FHIT: variants seen among roughly 807,000 people sequenced by gnomAD.
The protein encoded by FHIT is bis(5'-adenosyl)-triphosphatase.
FHIT carries 19 observed loss-of-function variants against 17.9 expected under a neutral mutation model. The ratio of observed to expected loss-of-function variants is 1.06; its 90% CI spans 0.74 to 1.56. FHIT has a LOEUF of 1.56. Ranked by LOEUF, FHIT falls within the 40% of genes most tolerant of loss-of-function variation. FHIT has a pLI of 0.00. For missense variants in FHIT, 248 were observed against 189.2 expected (o/e 1.31, Z -1.82); for synonymous variants, 81 against 69.7 (o/e 1.16, Z -0.81).
intron 5 of FHIT, among the ~76,000 whole-genome samples, chr3:60,206,675 C>A (rs949872464): frequency 1.3e-5 from 2 of 152,230 alleles, no homozygotes; most frequent in Non-Finnish European, 2.9e-5. Context: ...AAGAGGTGGA[C>A]GGTTCTACCA....
chr3:59,896,943 T>C (rs756031330), intron 8 of FHIT, among the ~76,000 whole-genome samples: 13 of 152,054 alleles, frequency 8.5e-5, no homozygotes, highest in African/African-American at 1.2e-4. Flanking sequence ...TTAGCAACGA[T>C]TGGGAGGGTG....
At position 60,643,587 on chromosome 3, in the gene FHIT, A is replaced by T. The variant is rs184803100; in HGVS notation, c.-17-106608T>A. On this transcript the variant is annotated intron_variant, in intron 4 of 9. Coordinates refer to ENST00000492590, the MANE Select transcript of FHIT (RefSeq NM_002012.4). ...CAAAAGTGTTTAATAAAACCAAGTTACTTGCATTCTTAGGCTCATGTAGAT... is the reference window on the plus strand; with the variant it reads ...CAAAAGTGTTTAATAAAACCAAGTTTCTTGCATTCTTAGGCTCATGTAGAT... Among the ~76,000 whole-genome samples the T allele has an allele frequency of 9.2e-5, 14 of 152,318 alleles. No individual in the cohort carries two copies. The East Asian group carries it at 2.5e-3, about 27-fold the overall frequency.
chr3:60,924,280 C>A (rs1007881215), intron 3 of FHIT, among the ~76,000 whole-genome samples: 3 of 152,190 alleles, frequency 2.0e-5, no homozygotes, highest in African/African-American at 7.2e-5. Context: ...TCCCTGACCC[C>A]CGAGTAGCCT....
intron 7 of FHIT, among the ~76,000 whole-genome samples, chr3:59,939,815 G>A (rs1239942374): frequency 3.9e-5 from 6 of 152,190 alleles, no homozygotes; most frequent in Admixed American, 3.3e-4. Context: ...CACCCTCACC[G>A]GCAAAAAGTC....
chr3:59,921,132 T>C (rs1198933276), intron 8 of FHIT, among the ~76,000 whole-genome samples: 2 of 152,162 alleles, frequency 1.3e-5, no homozygotes, highest in Non-Finnish European at 2.9e-5. Context: ...AAGCAAAAGA[T>C]AGTAAGGGTT....
chr3:60,538,521 T>A (rs975578256), intron 4 of FHIT, among the ~76,000 whole-genome samples: 1 of 152,062 alleles, frequency 6.6e-6, no homozygotes. Flanking sequence ...GGAGGCATCA[T>A]GCTACCTGAC....
chr3:59,919,604 A>C (rs1705306151), intron 8 of FHIT, among the ~76,000 whole-genome samples: 1 of 152,202 alleles, frequency 6.6e-6, no homozygotes, highest in Non-Finnish European at 1.5e-5. Flanking sequence ...AGTGCCTAGA[A>C]AGAACACAAT....
chr3:60,236,465 T>G (rs1444387302), intron 5 of FHIT, among the ~76,000 whole-genome samples: 1 of 152,096 alleles, frequency 6.6e-6, no homozygotes, highest in African/African-American at 2.4e-5. Context: ...CTATCCCCAG[T>G]AGAATTTTTC....
intron 8 of FHIT, among the ~76,000 whole-genome samples, chr3:59,754,885 A>G (rs1249260893): frequency 2.6e-5 from 4 of 152,166 alleles, no homozygotes; most frequent in Non-Finnish European, 5.9e-5. Flanking sequence ...GGTTCTGTTT[A>G]GAACAGCGGC....
At chr3:60,208,400 A>T (rs911636063) in intron 5 of FHIT, among the ~76,000 whole-genome samples, 23 of 152,352 alleles carry the variant, frequency 1.5e-4, no homozygotes, top group African/African-American at 5.3e-4. Flanking sequence ...TCATTTTCTG[A>T]AATTAGATAT....
At chr3:60,131,578 A>G (rs1474571486) in intron 5 of FHIT, among the ~76,000 whole-genome samples, 1 of 152,164 alleles carries the variant, frequency 6.6e-6, no homozygotes, top group Non-Finnish European at 1.5e-5. Context: ...AAGGGCAGCT[A>G]CAGCCTTTCC....
intron 5 of FHIT, among the ~76,000 whole-genome samples, chr3:60,497,393 T>G (rs2034344714): frequency 6.6e-6 from 1 of 152,210 alleles, no homozygotes; most frequent in African/African-American, 2.4e-5. Context: ...TCTTTGTACA[T>G]TCTTATATTT....
chr3:59,994,137 C>T (rs1699403856), intron 7 of FHIT, among the ~76,000 whole-genome samples: 1 of 152,044 alleles, frequency 6.6e-6, no homozygotes, highest in Admixed American at 6.6e-5. Flanking sequence ...TATTTGAACA[C>T]TGGCATTGTG....
chr3:60,531,758 G>T (rs2035795581), intron 5 of FHIT, among the ~76,000 whole-genome samples: 1 of 152,182 alleles, frequency 6.6e-6, no homozygotes, highest in Admixed American at 6.5e-5. Flanking sequence ...GTTAAGTAAT[G>T]AAGCTATTTT....
intron 1 of FHIT, among the ~76,000 whole-genome samples, chr3:61,202,681 A>C (rs1454245782): frequency 6.6e-6 from 1 of 151,868 alleles, no homozygotes; most frequent in Non-Finnish European, 1.5e-5. Flanking sequence ...CAGAGATAAA[A>C]ATAAAATCTT....
At chr3:59,853,617 G>A (rs143418989) in intron 8 of FHIT, among the ~76,000 whole-genome samples, 141 of 152,220 alleles carry the variant, frequency 9.3e-4, no homozygotes, top group African/African-American at 3.2e-3. Flanking sequence ...ATTAAGAAGT[G>A]AAGAATTTAT....
At chr3:60,543,328 T>C (rs1462681509) in intron 4 of FHIT, among the ~76,000 whole-genome samples, 2 of 152,218 alleles carry the variant, frequency 1.3e-5, no homozygotes, top group East Asian at 3.8e-4. Flanking sequence ...CCTCTTTCTG[T>C]ATTTATTATC....
At chr3:59,991,112 C>T (rs1709212277) in intron 7 of FHIT, among the ~76,000 whole-genome samples, 2 of 152,046 alleles carry the variant, frequency 1.3e-5, no homozygotes, top group Non-Finnish European at 2.9e-5. Flanking sequence ...AGGGCCACAT[C>T]TGTTTTATTT....
intron 4 of FHIT, among the ~76,000 whole-genome samples, chr3:60,580,445 C>T (rs1292597849): frequency 1.3e-5 from 2 of 152,088 alleles, no homozygotes; most frequent in East Asian, 3.9e-4. Context: ...TACTACTAGA[C>T]TTTGAGTTTT....
Sources: gnomAD v4.1 joint callset for allele counts (sites outside exome capture counted in the v4.1 genomes callset) on GRCh38, gnomAD v4.1.1 for gene constraint, MANE v1.5 for transcripts, NCBI Gene and HGNC (gene_info 2026-07-23, HGNC 2026-07-21) for gene names.